The following CDKN2B variants were observed in gnomAD, a reference collection of about 807,000 sequenced individuals.
CDKN2B encodes the protein cyclin dependent kinase inhibitor 2B.
Under a neutral mutation model 7.7 loss-of-function variants are expected in CDKN2B, and 8 were observed. The ratio of observed to expected loss-of-function variants is 1.04; its 90% CI spans 0.61 to 1.87. CDKN2B has a LOEUF of 1.87. CDKN2B is among the 40% of genes most tolerant of loss of function. CDKN2B has a pLI of 0.00. For synonymous variants in CDKN2B, 93 were observed against 95.8 expected (o/e 0.97, Z 0.17); for missense variants, 244 against 213.1 (o/e 1.15, Z -0.90).
chr9:22,008,886 G>A lies in CDKN2B; in HGVS notation c.68C>T (p.Ala23Val), dbSNP rs1399438560. 4 of 1,612,524 alleles carry A rather than the reference G, an allele frequency of 2.5e-6. No homozygotes were observed. The highest frequency in any genetic ancestry group is 1.1e-5 in the South Asian group (1 of 91,040). Reference sequence around the variant, plus strand: ...TCGCACCTTCTCCACTAGTCCCCGCGCCGCGGCGCTGGCCAGACCCTCATC... The same window carrying A: ...TCGCACCTTCTCCACTAGTCCCCGCACCGCGGCGCTGGCCAGACCCTCATC... The part of the protein sequence containing the change: ...GSDEGLASAA[A>V]RGLVEKVRQL... Residue 23 changes from alanine (A) to valine (V), a missense_variant, in exon 1 of 2, where the codon GCG (alanine) becomes GTG (valine). By Grantham distance (64) the Ala-to-Val change is moderately conservative (BLOSUM62 0). Coordinates refer to ENST00000276925, the MANE Select transcript of CDKN2B (RefSeq NM_004936.4).
rs1821110020 is a variant in CDKN2B at position 22,005,194 on chromosome 9, C to A, written c.*793G>T. The A allele has an allele frequency of 8.6e-6, 2 of 233,736 alleles. No individual in the cohort carries two copies. Among genetic ancestry groups the A allele is most frequent in the Non-Finnish European group, 1.7e-5 (2 of 118,464 alleles). 14.5% of individuals were successfully genotyped at this position (233,736 alleles called of 1,614,324 possible). On this transcript the variant is annotated 3_prime_UTR_variant, in exon 2 of 2. Coordinates refer to ENST00000276925, the MANE Select transcript of CDKN2B (RefSeq NM_004936.4). This position sits in a 1 kb window ranked among gnomAD's most constrained non-coding sequence, Gnocchi z 4.9. ...CAATTGCTCTCACTCCACTCCACCA[C>A]CTCATCCTGTGTAGTCTGCCTGCGG...
rs1480785986 is a variant in CDKN2B, at chr9:22,004,840, CCT to C, written c.*1145_*1146del. On this transcript the variant is annotated 3_prime_UTR_variant, in exon 2 of 2. Coordinates refer to ENST00000276925, the MANE Select transcript of CDKN2B (RefSeq NM_004936.4). Reference sequence around the variant, plus strand: ...ATATTTCTTAGTCTGACCTCTGCACCCTGAGACACTCTATAAAGGAAACAATC... The same window carrying C: ...ATATTTCTTAGTCTGACCTCTGCACCGAGACACTCTATAAAGGAAACAATC... 1 of 232,920 alleles carries C rather than the reference CCT, an allele frequency of 4.3e-6. No individual in the cohort carries two copies. Among genetic ancestry groups the C allele is most frequent in the African/African-American group, 2.2e-5 (1 of 45,260 alleles). The allele number at this position is 232,920 out of a possible 1,614,324, so 14.4% of individuals were successfully genotyped here.
At position 22,003,422 on chromosome 9, in the gene CDKN2B, G is replaced by C. The variant is rs1286604282; in HGVS notation, c.*2565C>G. 4.4e-6 allele frequency: 1 copy of C among 225,856 alleles called. No individual in the cohort carries two copies. The highest frequency in any genetic ancestry group is 8.8e-6 in the Non-Finnish European group (1 of 113,616). The allele number at this position is 225,856 out of a possible 1,614,324, so 14.0% of individuals were successfully genotyped here. ...ATTTAAACCAGAAATGAAGTAACATGTTTCATATCTATTTCAAGGGATAAT... is the reference window on the plus strand; with the variant it reads ...ATTTAAACCAGAAATGAAGTAACATCTTTCATATCTATTTCAAGGGATAAT... On this transcript the variant is annotated 3_prime_UTR_variant, in exon 2 of 2. Transcript: ENST00000276925.
chr9:22,006,320 G>A lies in CDKN2B; in HGVS notation c.157-73C>T. The A allele has an allele frequency of 7.6e-6, 12 of 1,588,048 alleles. No individual in the cohort carries two copies. The highest frequency in any genetic ancestry group is 1.7e-5 in the Admixed American group (1 of 59,064). On this transcript the variant is annotated intron_variant, in intron 1 of 1. Transcript: ENST00000276925. The surrounding 1 kb of genome is among the most constrained non-coding windows in gnomAD (Gnocchi z 6.4). ...GGAGATGCCGGCCGGGGCAAGGCAG[G>A]TGGAGCCATTTAAAGAAACACCTAA... is the stretch of plus-strand genomic sequence containing the variant.
intron 1 of CDKN2B, among the ~76,000 whole-genome samples, chr9:22,008,157 G>A (rs532274091): frequency 1.1e-4 from 17 of 152,174 alleles, no homozygotes; most frequent in Admixed American, 3.3e-4. Flanking sequence ...ATTCAAAAAG[G>A]ACCTAACAGT....
rs1821145315 is a variant in CDKN2B at position 22,005,851 on chromosome 9, T to TGA, written c.*135_*136insTC. 1.3e-5 allele frequency: 16 copies of TGA among 1,222,690 alleles called. No homozygotes were observed. In the South Asian group the frequency reaches 2.1e-4, roughly 16 times the overall value. 75.7% of individuals were successfully genotyped at this position (1,222,690 alleles called of 1,614,324 possible). A position where few individuals can be genotyped will look rare whatever the true frequency, so the allele number is the denominator to read the frequency against. ...TTATTCCCGGTCGGCTCCTCCTTCC[T>TGA]GTGAGTCTCAGACAGGCTTGCAGGC... On this transcript the variant is annotated 3_prime_UTR_variant, in exon 2 of 2. Transcript: ENST00000276925. This position sits in a 1 kb window ranked among gnomAD's most constrained non-coding sequence, Gnocchi z 4.9.
chr9:22,008,574 A>G lies in CDKN2B; in HGVS notation c.156+224T>C, dbSNP rs1587387029. 2.4e-6 allele frequency: 3 copies of G among 1,274,772 alleles called. No individual in the cohort carries two copies. The African/African-American group carries it at 4.5e-5, about 19-fold the overall frequency. The allele number at this position is 1,274,772 out of a possible 1,614,324, so 79.0% of individuals were successfully genotyped here. A position where few individuals can be genotyped will look rare whatever the true frequency, so the allele number is the denominator to read the frequency against. On this transcript the variant is annotated intron_variant, in intron 1 of 1. Transcript: ENST00000276925. ...CTTGCATCTCTGATCATGAGATGGC[A>G]GAACAAAAACCACTAAAAAAAGCTT...
rs760916164 is a variant in CDKN2B, at chr9:22,008,815, C to T, written c.139G>A (p.Gly47Arg). ...GADPNGVNRF[G>R]RRAIQVMMMG... The stretch of plus-strand genomic sequence containing the variant: ...CCAGCTACCTGGATCGCGCGCCTCC[C>T]GAAACGGTTGACTCCGTTGGGATCC... The change falls in exon 1 of 2, where the codon GGG (glycine) becomes AGG (arginine). Residue 47 changes from glycine (G) to arginine (R), a missense_variant. By Grantham distance (125) the Gly-to-Arg change is moderately radical. Transcript: ENST00000276925. The T allele has an allele frequency of 6.2e-7, 1 of 1,606,100 alleles. No homozygotes were observed. The highest frequency in any genetic ancestry group is 8.5e-7 in the Non-Finnish European group (1 of 1,176,242).
Position 22,008,955 on chromosome 9 carries a change from C to A in CDKN2B, c.-2G>T, listed in dbSNP as rs751030214. 6.2e-7 allele frequency: 1 copy of A among 1,613,126 alleles called. No individual in the cohort carries two copies. Among genetic ancestry groups the A allele is most frequent in the Admixed American group, 1.7e-5 (1 of 60,036 alleles). On this transcript the variant is annotated 5_prime_UTR_variant, in exon 1 of 2. Coordinates refer to ENST00000276925, the MANE Select transcript of CDKN2B (RefSeq NM_004936.4). ...CATGCCCTTGTTCTCCTCGCGCATT[C>A]CGCAGCCCCCAGACGCGCAGCGGCC...
chr9:22,005,435 G>A lies in CDKN2B; in HGVS notation c.*552C>T, dbSNP rs759296073. ...ACTTGCCATGCGCTCAAACTAAAGC[G>A]CCGCCGGGGACTTACTGAAGCCCAC... On this transcript the variant is annotated 3_prime_UTR_variant, in exon 2 of 2. Coordinates refer to ENST00000276925, the MANE Select transcript of CDKN2B (RefSeq NM_004936.4). This position sits in a 1 kb window ranked among gnomAD's most constrained non-coding sequence, Gnocchi z 4.9. 3 of 245,648 alleles carry A rather than the reference G, an allele frequency of 1.2e-5. No individual in the cohort carries two copies. The highest frequency in any genetic ancestry group is 5.8e-5 in the East Asian group (1 of 17,204). The allele number at this position is 245,648 out of a possible 1,614,324, so 15.2% of individuals were successfully genotyped here. A position where few individuals can be genotyped will look rare whatever the true frequency, so the allele number is the denominator to read the frequency against.
Position 22,005,882 on chromosome 9 carries a change from GGCTTTCCGCC to G in CDKN2B, c.*95_*104del. On this transcript the variant is annotated 3_prime_UTR_variant, in exon 2 of 2. Transcript: ENST00000276925. This position sits in a 1 kb window ranked among gnomAD's most constrained non-coding sequence, Gnocchi z 4.9. ...TCTCAGACAGGCTTGCAGGCTTACA[GGCTTTCCGCC>G]GCTCCCCGTTGGCAGCCTTCATCGA... The G allele has an allele frequency of 6.8e-7, 1 of 1,466,064 alleles. No homozygotes were observed. Among genetic ancestry groups the G allele is most frequent in the Non-Finnish European group, 9.2e-7 (1 of 1,082,528 alleles). The allele number at this position is 1,466,064 out of a possible 1,614,324, so 90.8% of individuals were successfully genotyped here.
At position 22,006,476 on chromosome 9, in the gene CDKN2B, C is replaced by T. The variant is rs1392936042; in HGVS notation, c.157-229G>A. 6.6e-6 allele frequency among the ~76,000 whole-genome samples: 1 copy of T among 152,210 alleles called. No individual in the cohort carries two copies. The highest frequency in any genetic ancestry group is 6.5e-5 in the Admixed American group (1 of 15,284). On this transcript the variant is annotated intron_variant, in intron 1 of 1. Coordinates refer to ENST00000276925, the MANE Select transcript of CDKN2B (RefSeq NM_004936.4). This position sits in a 1 kb window ranked among gnomAD's most constrained non-coding sequence, Gnocchi z 6.4. ...AGTACAAATTAAATGCCATTTTATT[C>T]TCTAAACGTGCAGAGACAAGAAAGT...
chr9:22,004,179 A>G lies in CDKN2B; in HGVS notation c.*1808T>C, dbSNP rs1821055442. The G allele has an allele frequency of 8.6e-6, 2 of 232,332 alleles. No homozygotes were observed. The highest frequency in any genetic ancestry group is 2.2e-5 in the African/African-American group (1 of 45,318). 14.4% of individuals were successfully genotyped at this position (232,332 alleles called of 1,614,324 possible). A position where few individuals can be genotyped will look rare whatever the true frequency, so the allele number is the denominator to read the frequency against. On this transcript the variant is annotated 3_prime_UTR_variant, in exon 2 of 2. Coordinates refer to ENST00000276925, the MANE Select transcript of CDKN2B (RefSeq NM_004936.4). ...ATAAACATATCCTTTCCCCAATAAC[A>G]TATGCTCTGATTCTCAACTAACTTT...
rs1424424928 is a variant in CDKN2B, at chr9:22,005,915, C to G, written c.*72G>C. The G allele has an allele frequency of 1.3e-6, 2 of 1,567,568 alleles. No individual in the cohort carries two copies. Among genetic ancestry groups the G allele is most frequent in the Non-Finnish European group, 8.6e-7 (1 of 1,163,000 alleles). ...GCCGCTCCCCGTTGGCAGCCTTCAT[C>G]GAATTAGGTGGGTGGGGGTGGGAAA... On this transcript the variant is annotated 3_prime_UTR_variant, in exon 2 of 2. Coordinates refer to ENST00000276925, the MANE Select transcript of CDKN2B (RefSeq NM_004936.4). The surrounding 1 kb of genome is among the most constrained non-coding windows in gnomAD (Gnocchi z 4.9).
At chr9:22,008,610 T>C (rs1821312683) in intron 1 of CDKN2B, 188 bp downstream of exon 1, 2 of 1,539,330 alleles carry the variant, frequency 1.3e-6, no homozygotes, top group East Asian at 2.3e-5. Context: ...AAACAGTGGG[T>C]TTTTCAATGT....
intron 1 of CDKN2B, 148 bp downstream of exon 1, chr9:22,008,650 C>A: frequency 6.2e-7 from 1 of 1,600,908 alleles, no homozygotes; most frequent in Admixed American, 1.7e-5. Context: ...TGGGTAAAAG[C>A]CTGTTTTACG....
rs1194723277 is a variant in CDKN2B at position 22,006,290 on chromosome 9, G to T, written c.157-43C>A. 6.3e-7 allele frequency: 1 copy of T among 1,599,234 alleles called. No homozygotes were observed. Among genetic ancestry groups the T allele is most frequent in the Non-Finnish European group, 8.5e-7 (1 of 1,179,656 alleles). On this transcript the variant is annotated intron_variant, in intron 1 of 1. Transcript: ENST00000276925. This position sits in a 1 kb window ranked among gnomAD's most constrained non-coding sequence, Gnocchi z 6.4. Reference sequence around the variant, plus strand: ...GTGGTCAGAGCCAGGGTGGGGGCAGGTATGGGAGATGCCGGCCGGGGCAAG... The same window carrying T: ...GTGGTCAGAGCCAGGGTGGGGGCAGTTATGGGAGATGCCGGCCGGGGCAAG...
At chr9:22,008,172 G>A (rs1053709438) in intron 1 of CDKN2B, among the ~76,000 whole-genome samples, 20 of 152,202 alleles carry the variant, frequency 1.3e-4, no homozygotes, top group African/African-American at 4.6e-4. Flanking sequence ...AACAGTTGCT[G>A]CAGGAATATT....
chr9:22,006,205 G>T lies in CDKN2B; in HGVS notation c.199C>A (p.Leu67Ile). The change falls in exon 2 of 2, where the codon CTC (leucine) becomes ATC (isoleucine). Residue 67 changes from leucine (L) to isoleucine (I), a missense_variant. Transcript: ENST00000276925. The surrounding 1 kb of genome is among the most constrained non-coding windows in gnomAD (Gnocchi z 6.4). ...GSARVAELLL[L>I]HGAEPNCADP... Reference sequence around the variant, plus strand: ...GCGCAGTTGGGCTCCGCGCCGTGGAGCAGCAGCAGCTCCGCCACGCGGGCG... The same window carrying T: ...GCGCAGTTGGGCTCCGCGCCGTGGATCAGCAGCAGCTCCGCCACGCGGGCG... 6.2e-7 allele frequency: 1 copy of T among 1,608,382 alleles called. No individual in the cohort carries two copies.
Sources: allele counts gnomAD v4.1 joint callset (sites outside exome capture counted in the v4.1 genomes callset), GRCh38; gene constraint gnomAD v4.1.1; non-coding constraint Gnocchi (gnomAD v3.1); transcripts MANE v1.5; gene names NCBI Gene and HGNC (gene_info 2026-07-23, HGNC 2026-07-21).